NEB: variants seen among roughly 807,000 people sequenced by gnomAD.
NEB encodes the protein nebulin.
In NEB, 512 loss-of-function variants were observed where a neutral mutation model predicts 952.2. The ratio of observed to expected loss-of-function variants is 0.54; its 90% CI spans 0.50 to 0.58. The LOEUF is 0.58. Ranked by LOEUF, NEB falls within the 20% of genes least tolerant of loss-of-function variation. The pLI, the probability that NEB is intolerant of heterozygous loss-of-function variation, is 0.00. For synonymous variants in NEB, 2,900 were observed against 3,149.8 expected, an observed-to-expected ratio of 0.92 and a Z score of 2.66; for missense variants, 8,428 against 9,231.1, an observed-to-expected ratio of 0.91 and a Z score of 3.56.
rs187353548 is a variant in NEB, at chr2:151,658,206, G to A, written c.6076-116C>T. 4.1e-4 allele frequency: 281 copies of A among 687,308 alleles called. 2 individuals carry two copies. The highest frequency in any genetic ancestry group is 3.3e-3 in the African/African-American group (180 of 54,898). 42.6% of individuals were successfully genotyped at this position (687,308 alleles called of 1,614,324 possible). A position where few individuals can be genotyped will look rare whatever the true frequency, so the allele number is the denominator to read the frequency against. ...TTTTTGTTTTTGAGCAGAATGCTTC[G>A]TTGGTGCTTCAGTGGCTGAATGTTC... On this transcript the variant is annotated intron_variant, in intron 47 of 181. Coordinates refer to ENST00000397345, the MANE Select transcript of NEB (RefSeq NM_001164508.2).
At position 151,722,397 on chromosome 2, in the gene NEB, A is replaced by G. The variant is rs113389396; in HGVS notation, c.717+985T>C. 3.3e-3 allele frequency among the ~76,000 whole-genome samples: 503 copies of G among 152,296 alleles called. 3 individuals are homozygous for G. Among genetic ancestry groups the G allele is most frequent in the African/African-American group, 0.011 (463 of 41,544 alleles). On this transcript the variant is annotated intron_variant, in intron 9 of 181. Transcript: ENST00000397345. ...AGCCTTTTAAGTTCCTCTAACATAC[A>G]GTTTTCAAGGTCTAGGATACCAAAA...
At chr2:151,487,667 G>A (rs530382185) in intron 181 of NEB, among the ~76,000 whole-genome samples, 11 of 152,112 alleles carry the variant, frequency 7.2e-5, no homozygotes, top group Non-Finnish European at 1.3e-4. Context: ...GCATCCTACC[G>A]TTTATCTTTG....
At chr2:151,702,900 T>G (rs2099681707) in intron 13 of NEB, among the ~76,000 whole-genome samples, 1 of 152,164 alleles carries the variant, frequency 6.6e-6, no homozygotes. Flanking sequence ...GTGAATTTGA[T>G]CCTGTCATTA....
In NEB at chr2:151,554,014, T is replaced by C. The variant is rs1209366003; in HGVS notation, c.19440A>G (p.Arg6480=). The change falls in exon 126 of 182, where the codon AGA becomes AGG. Residue 6480 remains arginine, a synonymous_variant. Coordinates refer to ENST00000397345, the MANE Select transcript of NEB (RefSeq NM_001164508.2). ...VGKLNIDRLY[R]SVYEKNKMKI... ...TCATCTTGTTCTTTTCATAAACTGA[T>C]CTGTACAGGCGCTGTAAAGTTAAAA... The C allele has an allele frequency of 1.2e-6, 2 of 1,613,648 alleles. No individual in the cohort carries two copies. Among genetic ancestry groups the C allele is most frequent in the Non-Finnish European group, 1.7e-6 (2 of 1,179,740 alleles).
intron 54 of NEB, among the ~76,000 whole-genome samples, chr2:151,646,504 A>C (rs896617927): frequency 1.3e-5 from 2 of 152,226 alleles, no homozygotes; most frequent in African/African-American, 4.8e-5. Context: ...TGCCTTGCCA[A>C]TATTATCAAA....
chr2:151,494,087 C>G, intron 174 of NEB, 74 bp downstream of exon 174: 1 of 1,266,596 alleles, frequency 7.9e-7, no homozygotes, highest in Admixed American at 2.0e-5. Flanking sequence ...TAACCTGGGA[C>G]AGGGTTAGGA....
chr2:151,636,718 T>G (rs1335690498), intron 63 of NEB, among the ~76,000 whole-genome samples: 1 of 152,000 alleles, frequency 6.6e-6, no homozygotes, highest in African/African-American at 2.4e-5. Context: ...GAGGCGGAAG[T>G]TGCAGTGAGC....
At chr2:151,623,450 T>G (rs981043116) in intron 71 of NEB, among the ~76,000 whole-genome samples, 2 of 152,188 alleles carry the variant, frequency 1.3e-5, no homozygotes, top group Non-Finnish European at 2.9e-5. Context: ...GTGATACAAA[T>G]AATTAAACTT....
In NEB at chr2:151,497,653, G is replaced by A; in HGVS notation, c.24273C>T (p.Val8091=). The change falls in exon 171 of 182, where the codon GTC becomes GTT. Residue 8091 remains valine (V), a synonymous_variant. Transcript: ENST00000397345. The stretch of plus-strand genomic sequence containing the variant: ...AGCTAATATTTTCTTGATTGTGTTT[G>A]ACTCTTTCCATCTCGGGAGTGACAG... ...PLPVTPEMER[V]KHNQENISSV... is the part of the protein sequence containing the mutation. The A allele has an allele frequency of 6.3e-7, 1 of 1,582,624 alleles. No individual in the cohort carries two copies. Among genetic ancestry groups the A allele is most frequent in the Non-Finnish European group, 8.6e-7 (1 of 1,161,958 alleles).
At chr2:151,668,364 C>T (rs200473774) in intron 39 of NEB, among the ~76,000 whole-genome samples, 1 of 152,154 alleles carries the variant, frequency 6.6e-6, no homozygotes, top group East Asian at 1.9e-4. Flanking sequence ...GATCTTAATG[C>T]TTAAATATTA....
intron 35 of NEB, among the ~76,000 whole-genome samples, chr2:151,674,939 A>C (rs1288975256): frequency 6.6e-6 from 1 of 152,222 alleles, no homozygotes; most frequent in Non-Finnish European, 1.5e-5. Context: ...GGTCAGCTTT[A>C]GAAATTTTAG....
intron 152 of NEB, 43 bp downstream of exon 152, chr2:151,524,472 C>A (rs1559524707): frequency 6.2e-7 from 1 of 1,613,000 alleles, no homozygotes; most frequent in Non-Finnish European, 8.5e-7. Context: ...CATGCCTTGG[C>A]AATGGCTGTT....
intron 63 of NEB, 51 bp from the exon 64 acceptor site, chr2:151,636,385 G>T: frequency 1.4e-6 from 2 of 1,389,772 alleles, no homozygotes; most frequent in South Asian, 2.4e-5. Context: ...TCTAAAAACT[G>T]ACAGAGGACT....
intron 147 of NEB, 63 bp downstream of exon 147, chr2:151,527,414 ATAAT>A: frequency 3.4e-6 from 4 of 1,163,818 alleles, no homozygotes; most frequent in Non-Finnish European, 5.0e-6. Flanking sequence ...GTTATTATAA[ATAAT>A]TATTCATTGT....
intron 54 of NEB, among the ~76,000 whole-genome samples, chr2:151,646,550 T>C (rs2098960979): frequency 1.3e-5 from 2 of 152,238 alleles, no homozygotes; most frequent in African/African-American, 4.8e-5. Context: ...GTTGTGTCCC[T>C]CAGTGTTTAA....
At chr2:151,692,429 C>T (rs939315619) in intron 20 of NEB, 67 bp from the exon 21 acceptor site, 1 of 1,242,666 alleles carries the variant, frequency 8.0e-7, no homozygotes, top group African/African-American at 1.5e-5. Context: ...AAAAGTCATT[C>T]ATGTCTTTGC....
At chr2:151,657,756 A>G (rs909921193) in intron 48 of NEB, among the ~76,000 whole-genome samples, 1 of 152,228 alleles carries the variant, frequency 6.6e-6, no homozygotes, top group Non-Finnish European at 1.5e-5. Flanking sequence ...AAGTTTATCT[A>G]GATCTCATGA....
chr2:151,704,424 C>A (rs2099693978), intron 13 of NEB, among the ~76,000 whole-genome samples: 3 of 149,440 alleles, frequency 2.0e-5, no homozygotes, highest in Non-Finnish European at 4.5e-5. Context: ...TTTACCTAAT[C>A]AAGCCTGGGC....
chr2:151,653,568 T>C (rs2099055065), intron 52 of NEB, among the ~76,000 whole-genome samples: 1 of 152,202 alleles, frequency 6.6e-6, no homozygotes, highest in Non-Finnish European at 1.5e-5. Context: ...TAAACTGAAA[T>C]AACTGACAGC....
Sources: gnomAD v4.1 joint callset for allele counts (sites outside exome capture counted in the v4.1 genomes callset) on GRCh38, gnomAD v4.1.1 for gene constraint, MANE v1.5 for transcripts, NCBI Gene and HGNC (gene_info 2026-07-23, HGNC 2026-07-21) for gene names.